The following CDH13 variants were observed in gnomAD, a reference collection of about 807,000 sequenced individuals.
CDH13 encodes the protein cadherin 13.
In CDH13, 24 loss-of-function variants were observed where a neutral mutation model predicts 63.8. The observed-to-expected ratio is 0.38, with a 90% confidence interval of 0.27 to 0.53. The LOEUF (loss-of-function observed/expected upper bound fraction) is 0.53. Ranked by LOEUF, CDH13 falls within the 20% of genes least tolerant of loss-of-function variation. The pLI is 0.85. For missense variants in CDH13, 1,049 were observed against 903.1 expected (o/e 1.16, Z -2.07); for synonymous variants, 503 against 355.3 (o/e 1.42, Z -4.67).
rs565500797 is a variant in CDH13, at chr16:83,309,661, C to T, written c.637-35201C>T. Among the ~76,000 whole-genome samples, 26 of 152,342 alleles carry T rather than the reference C, an allele frequency of 1.7e-4. 1 individual carries two copies. In the South Asian group the frequency reaches 2.5e-3, roughly 15 times the overall value. ...AAGTGCTGGGATTACAGGCGTGAGC[C>T]GCCACGCCCAGCCCCCTCCTTCTGA... On this transcript the variant is annotated intron_variant, in intron 5 of 13. Transcript: ENST00000567109.
At chr16:83,238,842 T>C (rs2151812325) in intron 5 of CDH13, among the ~76,000 whole-genome samples, 1 of 152,332 alleles carries the variant, frequency 6.6e-6, no homozygotes, top group East Asian at 1.9e-4. Flanking sequence ...TGGAGAACTT[T>C]GTCTGGCATG....
At chr16:83,586,356 G>A (rs1184824575) in intron 7 of CDH13, among the ~76,000 whole-genome samples, 1 of 152,184 alleles carries the variant, frequency 6.6e-6, no homozygotes, top group African/African-American at 2.4e-5. Context: ...AAATGGCTCT[G>A]GAGGAGGGGC....
At position 83,522,548 on chromosome 16, in the gene CDH13, A is replaced by C. The variant is rs2151621179; in HGVS notation, c.960+35893A>C. Among the ~76,000 whole-genome samples the C allele has an allele frequency of 2.0e-5, 3 of 152,346 alleles. No individual in the cohort carries two copies. In the South Asian group the frequency reaches 6.2e-4, roughly 32 times the overall value. ...ATGTAACCATTTTTGAGTTACAGGAAAACAAAAATGGTCTGTGGCCAATAA... is the reference window on the plus strand; with the variant it reads ...ATGTAACCATTTTTGAGTTACAGGACAACAAAAATGGTCTGTGGCCAATAA... On this transcript the variant is annotated intron_variant, in intron 7 of 13. Transcript: ENST00000567109.
chr16:83,014,761 T>TAC (rs1567745617), intron 2 of CDH13, among the ~76,000 whole-genome samples: 22 of 52,806 alleles, frequency 4.2e-4, no homozygotes, highest in African/African-American at 1.5e-3. Context: ...TATATATATA[T>TAC]ATATATATAT....
intron 2 of CDH13, among the ~76,000 whole-genome samples, chr16:82,862,893 C>A (rs1355828689): frequency 2.6e-5 from 4 of 152,198 alleles, no homozygotes; most frequent in Non-Finnish European, 5.9e-5. Context: ...CTTGGTCCTA[C>A]CATCTTGTAG....
At chr16:83,396,296 C>G (rs8057419) in intron 6 of CDH13, among the ~76,000 whole-genome samples, 110 of 152,252 alleles carry the variant, frequency 7.2e-4, no homozygotes, top group African/African-American at 2.6e-3. Context: ...TTCTCTACCT[C>G]GTAGGATTGT....
intron 1 of CDH13, among the ~76,000 whole-genome samples, chr16:82,779,523 C>T (rs2035652022): frequency 6.6e-6 from 1 of 152,014 alleles, no homozygotes; most frequent in Non-Finnish European, 1.5e-5. Flanking sequence ...TGGGAATGAA[C>T]CAAGAGGGAT....
At chr16:83,053,409 C>G (rs1005574808) in intron 3 of CDH13, among the ~76,000 whole-genome samples, 3 of 152,028 alleles carry the variant, frequency 2.0e-5, no homozygotes, top group Admixed American at 6.6e-5. Flanking sequence ...TCAGAAGACA[C>G]ACTCACATTA....
chr16:82,928,898 G>T (rs188317852), intron 2 of CDH13, among the ~76,000 whole-genome samples: 2 of 152,120 alleles, frequency 1.3e-5, no homozygotes, highest in Admixed American at 6.5e-5. Flanking sequence ...TATTGATAAA[G>T]CCTCCATTTT....
chr16:83,285,686 A>G lies in CDH13; in HGVS notation c.637-59176A>G, dbSNP rs1449842797. On this transcript the variant is annotated intron_variant, in intron 5 of 13. Coordinates refer to ENST00000567109, the MANE Select transcript of CDH13 (RefSeq NM_001257.5). ...GCATGCCGATACTTTGCCGCTTTAT[A>G]TAAGAGACTTGAGCATTCCAGGATT... Among the ~76,000 whole-genome samples, 10 of 152,202 alleles carry G rather than the reference A, an allele frequency of 6.6e-5. 1 individual carries two copies. The South Asian group carries it at 1.2e-3, about 19-fold the overall frequency.
intron 3 of CDH13, among the ~76,000 whole-genome samples, chr16:83,098,644 A>AT (rs2034322874): frequency 6.6e-6 from 1 of 152,182 alleles, no homozygotes; most frequent in South Asian, 2.1e-4. Flanking sequence ...GAGTTGACAA[A>AT]TTTTATTTTT....
In CDH13 at chr16:83,317,507, C is replaced by G. The variant is rs141258053; in HGVS notation, c.637-27355C>G. Among the ~76,000 whole-genome samples the G allele has an allele frequency of 6.4e-3, 981 of 152,278 alleles. 13 individuals are homozygous for G. The highest frequency in any genetic ancestry group is 0.022 in the African/African-American group (919 of 41,550). On this transcript the variant is annotated intron_variant, in intron 5 of 13. Transcript: ENST00000567109. ...CCACGTTTGCTGGGGGCACTTCAAG[C>G]TACATGGCAGTGAGCGCCAGTCAAG...
intron 6 of CDH13, among the ~76,000 whole-genome samples, chr16:83,459,573 G>C (rs747455192): frequency 1.3e-5 from 2 of 152,088 alleles, no homozygotes; most frequent in Non-Finnish European, 2.9e-5. Flanking sequence ...TTGCAATTTG[G>C]TTTCACTGTG....
chr16:83,183,897 C>T (rs1440674035), intron 4 of CDH13, among the ~76,000 whole-genome samples: 1 of 152,198 alleles, frequency 6.6e-6, no homozygotes, highest in South Asian at 2.1e-4. Flanking sequence ...TTGGTTTTGA[C>T]TAGAAGTAAG....
At chr16:82,877,199 C>T (rs369253071) in intron 2 of CDH13, among the ~76,000 whole-genome samples, 2 of 152,274 alleles carry the variant, frequency 1.3e-5, no homozygotes, top group East Asian at 3.9e-4. Context: ...AAATTCATGA[C>T]ATCTTGATTT....
intron 5 of CDH13, among the ~76,000 whole-genome samples, chr16:83,264,464 A>G (rs1259537142): frequency 1.3e-5 from 2 of 152,084 alleles, no homozygotes; most frequent in Non-Finnish European, 2.9e-5. Flanking sequence ...CATCGTATAT[A>G]TGTATATATA....
At chr16:83,769,044 G>T (rs1012968329) in intron 11 of CDH13, among the ~76,000 whole-genome samples, 2 of 152,164 alleles carry the variant, frequency 1.3e-5, no homozygotes, top group Admixed American at 6.5e-5. Flanking sequence ...GAGAAGATGG[G>T]AGGGAACCTC....
At chr16:83,477,479 A>G (rs1027564875) in intron 6 of CDH13, among the ~76,000 whole-genome samples, 4 of 152,152 alleles carry the variant, frequency 2.6e-5, no homozygotes, top group African/African-American at 7.2e-5. Context: ...TTGTGTTCCT[A>G]TGGGATGGCA....
intron 11 of CDH13, among the ~76,000 whole-genome samples, chr16:83,774,556 T>G (rs1914978274): frequency 6.6e-6 from 1 of 152,154 alleles, no homozygotes; most frequent in South Asian, 2.1e-4. Context: ...GTATTTTTAG[T>G]AGAGACAGGG....
Sources: allele counts gnomAD v4.1 joint callset (sites outside exome capture counted in the v4.1 genomes callset), GRCh38; gene constraint gnomAD v4.1.1; transcripts MANE v1.5; gene names NCBI Gene and HGNC (gene_info 2026-07-23, HGNC 2026-07-21).